The following NCOR1 variants were observed in gnomAD, a reference collection of about 807,000 sequenced individuals.
The protein encoded by NCOR1 is nuclear receptor corepressor 1.
A neutral mutation model predicts 288.1 loss-of-function variants in NCOR1; 63 were observed. The observed-to-expected ratio is 0.22, with a 90% CI of 0.18 to 0.27. The LOEUF is 0.27. NCOR1 is among the 10% of genes least tolerant of loss of function. The probability of loss-of-function intolerance (pLI) is 1.00; values close to 1 mark genes in which losing one functional copy is unlikely to be tolerated. For synonymous variants in NCOR1, 1,007 were observed against 1,065.9 expected, an observed-to-expected ratio of 0.94 and a Z score of 1.08; for missense variants, 2,397 against 3,019.2, an observed-to-expected ratio of 0.79 and a Z score of 4.83.
At chr17:16,100,424 T>G (rs1278734637) in intron 20 of NCOR1, among the ~76,000 whole-genome samples, 1 of 152,164 alleles carries the variant, frequency 6.6e-6, no homozygotes, top group Non-Finnish European at 1.5e-5. Context: ...GTGGATCACC[T>G]GAGGTCAGGA....
chr17:16,125,314 G>A (rs772325168), intron 15 of NCOR1, among the ~76,000 whole-genome samples: 3 of 152,148 alleles, frequency 2.0e-5, no homozygotes, highest in Non-Finnish European at 2.9e-5. Context: ...AGTGAGCCAA[G>A]ATTGCGCCAC....
In NCOR1 at chr17:16,071,550, T is replaced by C; in HGVS notation, c.4011A>G (p.Pro1337=). The C allele has an allele frequency of 1.9e-6, 3 of 1,614,160 alleles. No individual in the cohort carries two copies. The South Asian group carries it at 3.3e-5, about 18-fold the overall frequency. The change falls in exon 30 of 46, where the codon CCA becomes CCG. Residue 1337 remains proline, a synonymous_variant. Coordinates refer to ENST00000268712, the MANE Select transcript of NCOR1 (RefSeq NM_006311.4). ...CTTTGATGGTGGTGATGCCATCATA[T>C]GGTTTTCCTTTGGTAATGGCACCTT... is the stretch of plus-strand genomic sequence containing the variant. ...AFEGAITKGK[P]YDGITTIKEM... is the part of the protein sequence containing the mutation.
At chr17:16,193,238 T>C (rs1236677234) in intron 2 of NCOR1, among the ~76,000 whole-genome samples, 1 of 152,094 alleles carries the variant, frequency 6.6e-6, no homozygotes, top group Non-Finnish European at 1.5e-5. Context: ...AAGTTAATTT[T>C]GTTTTTTTTA....
In NCOR1 at chr17:16,132,470, G is replaced by A. The variant is rs117635407; in HGVS notation, c.1509+4841C>T. Among the ~76,000 whole-genome samples the A allele has an allele frequency of 1.4e-4, 21 of 152,200 alleles. No homozygotes were observed. In the East Asian group the frequency reaches 4.1e-3, roughly 29 times the overall value. On this transcript the variant is annotated intron_variant, in intron 14 of 45. Transcript: ENST00000268712. ...ATAATAACATTCAACAGTGGTTTTT[G>A]GCTTCCAATCTCCAATATGTATTCA...
chr17:16,127,176 T>C (rs34243080), intron 14 of NCOR1, among the ~76,000 whole-genome samples: 5,392 of 48,038 alleles, frequency 0.11, 632 homozygotes, highest in Middle Eastern at 0.22. Flanking sequence ...TACATGTATG[T>C]ATATATCTGT....
chr17:16,202,563 A>G (rs1422551020), intron 1 of NCOR1, among the ~76,000 whole-genome samples: 2 of 152,198 alleles, frequency 1.3e-5, no homozygotes, highest in Admixed American at 6.5e-5. Flanking sequence ...GTCTAAGTGG[A>G]TATTACTAAA....
At chr17:16,139,794 C>T (rs74339937) in intron 11 of NCOR1, among the ~76,000 whole-genome samples, 3,564 of 152,196 alleles carry the variant, frequency 0.023, 141 homozygotes, top group African/African-American at 0.081. Flanking sequence ...ACTTATTTTT[C>T]CCAAAGTTTA....
At position 16,201,337 on chromosome 17, in the gene NCOR1, G is replaced by A. The variant is rs1355873014; in HGVS notation, c.-70-6698C>T. 7.2e-5 allele frequency among the ~76,000 whole-genome samples: 11 copies of A among 152,258 alleles called. No individual in the cohort carries two copies. In the East Asian group the frequency reaches 1.2e-3, roughly 16 times the overall value. On this transcript the variant is annotated intron_variant, in intron 1 of 45. Coordinates refer to ENST00000268712, the MANE Select transcript of NCOR1 (RefSeq NM_006311.4). ...ATTCTGGCCAGGCACAGTGGCTCAC[G>A]CCTGTAATCCCAGCACTTTGGGAGG... is the stretch of plus-strand genomic sequence containing the variant.
At chr17:16,152,032 G>A (rs2078940760) in intron 7 of NCOR1, 34 bp from the exon 8 acceptor site, 1 of 1,395,586 alleles carries the variant, frequency 7.2e-7, no homozygotes, top group African/African-American at 1.5e-5. Context: ...TGTATAAAAT[G>A]TTGTACATAT....
chr17:16,138,905 G>T, intron 12 of NCOR1, 103 bp downstream of exon 12: 1 of 856,730 alleles, frequency 1.2e-6, no homozygotes. Context: ...ACCAAAATGG[G>T]ACCAAGTTTT....
intron 18 of NCOR1, among the ~76,000 whole-genome samples, chr17:16,113,495 C>T (rs7225951): frequency 0.93 from 141,309 of 152,340 alleles, 66,707 homozygotes; most frequent in African/African-American, 0.98. Flanking sequence ...CTTATGCATA[C>T]TATTTTTTGA....
intron 1 of NCOR1, among the ~76,000 whole-genome samples, chr17:16,210,366 A>G (rs981282149): frequency 6.6e-6 from 1 of 152,172 alleles, no homozygotes; most frequent in Admixed American, 6.6e-5. Flanking sequence ...CCTGGGCAAC[A>G]AGAGTGAAAC....
intron 38 of NCOR1, 40 bp from the exon 39 acceptor site, chr17:16,058,104 T>C: frequency 6.3e-7 from 1 of 1,599,512 alleles, no homozygotes; most frequent in Non-Finnish European, 8.6e-7. Flanking sequence ...CAGGAATGTC[T>C]GTGCTTTTCA....
At chr17:16,117,530 A>C (rs1275944541) in intron 18 of NCOR1, among the ~76,000 whole-genome samples, 11 of 151,780 alleles carry the variant, frequency 7.2e-5, no homozygotes, top group South Asian at 2.1e-4. Context: ...AAAAAAAAAA[A>C]AAAACATCAA....
At chr17:16,179,957 C>CAAAAAAAAAAAAAAAA (rs34531259) in intron 3 of NCOR1, among the ~76,000 whole-genome samples, 1 of 75,620 alleles carries the variant, frequency 1.3e-5, no homozygotes, top group Non-Finnish European at 2.4e-5. Flanking sequence ...GACTCTGTCT[C>CAAAAAAAAAAAAAAAA]AAAAAAAAAA....
chr17:16,197,549 A>G (rs2090071860), intron 1 of NCOR1, among the ~76,000 whole-genome samples: 1 of 152,136 alleles, frequency 6.6e-6, no homozygotes, highest in Non-Finnish European at 1.5e-5. Flanking sequence ...AGATTACCCA[A>G]CTAACACTGA....
intron 14 of NCOR1, among the ~76,000 whole-genome samples, chr17:16,129,770 C>A (rs1026607168): frequency 1.3e-5 from 2 of 152,166 alleles, no homozygotes; most frequent in Admixed American, 1.3e-4. Flanking sequence ...CCTAAAGATA[C>A]GACGGGGACA....
At chr17:16,045,875 G>C (rs911664242) in intron 42 of NCOR1, among the ~76,000 whole-genome samples, 3 of 151,694 alleles carry the variant, frequency 2.0e-5, no homozygotes, top group African/African-American at 7.3e-5. Context: ...GCAGTGATGC[G>C]ATCGTAGCTC....
chr17:16,203,585 G>A (rs1035337240), intron 1 of NCOR1, among the ~76,000 whole-genome samples: 4 of 152,024 alleles, frequency 2.6e-5, no homozygotes, highest in African/African-American at 7.3e-5. Context: ...TTCCTTTATA[G>A]GTTTATCATA....
Sources: allele counts gnomAD v4.1 joint callset (sites outside exome capture counted in the v4.1 genomes callset), GRCh38; gene constraint gnomAD v4.1.1; transcripts MANE v1.5; gene names NCBI Gene and HGNC (gene_info 2026-07-23, HGNC 2026-07-21).